The following RASGRF2 variants were observed in gnomAD, a reference collection of about 807,000 sequenced individuals.
RASGRF2 encodes Ras protein specific guanine nucleotide releasing factor 2.
RASGRF2 carries 76 observed loss-of-function variants against 151.0 expected under a neutral mutation model. The observed-to-expected ratio is 0.50, with a 90% CI of 0.42 to 0.61. The LOEUF is 0.61. Among genes scored for constraint, RASGRF2 ranks in the 20% least tolerant of loss-of-function variants. RASGRF2 has a pLI of 0.00. For synonymous variants in RASGRF2, 504 were observed against 566.5 expected, an observed-to-expected ratio of 0.89 and a Z score of 1.57; for missense variants, 1,148 against 1,564.6, an observed-to-expected ratio of 0.73 and a Z score of 4.49.
At position 81,030,973 on chromosome 5, in the gene RASGRF2, A is replaced by C. The variant is rs192368978; in HGVS notation, c.289-11904A>C. ...GAGGAAGATCTACCAAGAAAATGGAAAACAAAAAAAGGCAGGGGTTGCAAT... is the reference window on the plus strand; with the variant it reads ...GAGGAAGATCTACCAAGAAAATGGACAACAAAAAAAGGCAGGGGTTGCAAT... On this transcript the variant is annotated intron_variant, in intron 1 of 26. Transcript: ENST00000265080. 4.0e-4 allele frequency among the ~76,000 whole-genome samples: 61 copies of C among 152,304 alleles called. No homozygotes were observed. In the East Asian group the frequency reaches 0.011, roughly 28 times the overall value.
Position 80,992,657 on chromosome 5 carries a change from C to T in RASGRF2, c.288+31631C>T, listed in dbSNP as rs182458331. 1.8e-4 allele frequency among the ~76,000 whole-genome samples: 28 copies of T among 152,242 alleles called. No individual in the cohort carries two copies. In the East Asian group the frequency reaches 5.0e-3, roughly 27 times the overall value. ...TTTAATGGAGTAAATATAGATTAAG[C>T]TTCATGAGGAAAGATACATGTCACT... On this transcript the variant is annotated intron_variant, in intron 1 of 26. Transcript: ENST00000265080.
At chr5:81,150,231 A>G (rs375188720) in intron 17 of RASGRF2, among the ~76,000 whole-genome samples, 20 of 152,292 alleles carry the variant, frequency 1.3e-4, no homozygotes, top group African/African-American at 4.6e-4. Context: ...GAATTCCAAT[A>G]TCAAATAAAC....
chr5:81,060,030 G>T (rs1302121929), intron 2 of RASGRF2, among the ~76,000 whole-genome samples: 1 of 152,162 alleles, frequency 6.6e-6, no homozygotes, highest in Non-Finnish European at 1.5e-5. Flanking sequence ...GGGTCATACA[G>T]CAAGAGCAGG....
At chr5:81,087,093 T>G in intron 9 of RASGRF2, 140 bp downstream of exon 9, 1 of 778,506 alleles carries the variant, frequency 1.3e-6, no homozygotes, top group South Asian at 1.4e-5. Flanking sequence ...GCCGAGGCGG[T>G]GGTTGAGGCC....
Position 81,212,428 on chromosome 5 carries a change from C to A in RASGRF2, c.3219C>A (p.Ala1073=), listed in dbSNP as rs1755647716. The A allele has an allele frequency of 6.2e-7, 1 of 1,614,010 alleles. No individual in the cohort carries two copies. The highest frequency in any genetic ancestry group is 8.5e-7 in the Non-Finnish European group (1 of 1,179,936). ...NYADVSSRAN[A]IEKWVAVADI... ...CTGATGTCAGCTCCCGTGCCAACGCCATCGAGAAATGGGTGGCAGTGGCGG... is the reference window on the plus strand; with the variant it reads ...CTGATGTCAGCTCCCGTGCCAACGCAATCGAGAAATGGGTGGCAGTGGCGG... The change falls in exon 23 of 27, where the codon GCC becomes GCA. Residue 1073 remains alanine (A), a synonymous_variant. Transcript: ENST00000265080.
At chr5:81,188,089 G>T (rs922831545) in intron 18 of RASGRF2, among the ~76,000 whole-genome samples, 1 of 152,112 alleles carries the variant, frequency 6.6e-6, no homozygotes, top group African/African-American at 2.4e-5. Context: ...CTGGCCTGCT[G>T]CTGTCACCTC....
At chr5:81,140,465 C>G (rs1313843511) in intron 17 of RASGRF2, among the ~76,000 whole-genome samples, 1 of 152,074 alleles carries the variant, frequency 6.6e-6, no homozygotes, top group Non-Finnish European at 1.5e-5. Flanking sequence ...CGCACACTCA[C>G]TCACATTTTG....
intron 1 of RASGRF2, among the ~76,000 whole-genome samples, chr5:80,968,857 AT>A (rs200769526): frequency 2.0e-5 from 3 of 150,236 alleles, no homozygotes; most frequent in South Asian, 2.1e-4. Flanking sequence ...CTAATTATTT[AT>A]TTTTTTTTGG....
chr5:80,996,099 T>C (rs537399752), intron 1 of RASGRF2, among the ~76,000 whole-genome samples: 1 of 152,222 alleles, frequency 6.6e-6, no homozygotes, highest in South Asian at 2.1e-4. Flanking sequence ...CCTATAGTTA[T>C]TAGTTAAATC....
At chr5:81,151,642 G>A (rs971656225) in intron 17 of RASGRF2, among the ~76,000 whole-genome samples, 1 of 152,122 alleles carries the variant, frequency 6.6e-6, no homozygotes, top group African/African-American at 2.4e-5. Flanking sequence ...TTATTTCACT[G>A]ACTGTGGTCA....
chr5:80,976,063 CA>C (rs1451708539), intron 1 of RASGRF2, among the ~76,000 whole-genome samples: 1 of 152,146 alleles, frequency 6.6e-6, no homozygotes, highest in Non-Finnish European at 1.5e-5. Flanking sequence ...AGGCTGGTCT[CA>C]AACTCCTGAC....
intron 1 of RASGRF2, among the ~76,000 whole-genome samples, chr5:81,031,091 A>G (rs1730454789): frequency 1.3e-5 from 2 of 152,262 alleles, no homozygotes; most frequent in South Asian, 4.1e-4. Flanking sequence ...ATTCAACAAG[A>G]GGAGCTAACT....
chr5:81,005,969 C>T (rs1436028136), intron 1 of RASGRF2, among the ~76,000 whole-genome samples: 5 of 152,142 alleles, frequency 3.3e-5, no homozygotes, highest in East Asian at 1.9e-4. Flanking sequence ...GTAGTTTTAT[C>T]GGACAATCTT....
Position 81,215,950 on chromosome 5 carries a change from TA to T in RASGRF2, c.3434del (p.Asn1145IlefsTer14). On this transcript the variant is annotated frameshift_variant, in exon 24 of 27. Transcript: ENST00000265080. LOFTEE classifies it high-confidence loss of function. The stretch of plus-strand genomic sequence containing the variant: ...GATTTAAAAATCTTAGAGAAACCCT[TA>T]AAAAGTATGTCTATCTTAATTATTA... ...GRFKNLRETL[K>X]NCNPPAVPYL... is the part of the protein sequence containing the mutation. 4 of 1,533,440 alleles carry T rather than the reference TA, an allele frequency of 2.6e-6. No homozygotes were observed. Among genetic ancestry groups the T allele is most frequent in the Admixed American group, 2.3e-5 (1 of 43,222 alleles). The allele number at this position is 1,533,440 out of a possible 1,614,324, so 95.0% of individuals were successfully genotyped here. A position where few individuals can be genotyped will look rare whatever the true frequency, so the allele number is the denominator to read the frequency against.
chr5:81,009,701 A>T (rs1165292684), intron 1 of RASGRF2, among the ~76,000 whole-genome samples: 1 of 152,260 alleles, frequency 6.6e-6, no homozygotes, highest in Non-Finnish European at 1.5e-5. Flanking sequence ...TAAATATTTA[A>T]GTAGTATATC....
At chr5:81,178,393 GT>G (rs1480097827) in intron 17 of RASGRF2, among the ~76,000 whole-genome samples, 1 of 152,166 alleles carries the variant, frequency 6.6e-6, no homozygotes, top group Non-Finnish European at 1.5e-5. Context: ...AAGGCCATTG[GT>G]TATTTATTTA....
intron 1 of RASGRF2, among the ~76,000 whole-genome samples, chr5:80,988,952 T>A (rs1410335857): frequency 6.6e-6 from 1 of 152,104 alleles, no homozygotes; most frequent in Non-Finnish European, 1.5e-5. Flanking sequence ...TGACATCCAT[T>A]GAGCATCAGA....
intron 18 of RASGRF2, among the ~76,000 whole-genome samples, chr5:81,192,406 T>C (rs546709897): frequency 6.6e-6 from 1 of 152,376 alleles, no homozygotes; most frequent in East Asian, 1.9e-4. Context: ...TAGAATGTTC[T>C]TTTTCATCGT....
chr5:81,092,981 G>A lies in RASGRF2; in HGVS notation c.1551+20G>A. ...CTCAAGGTACTGGTTTTCCATAACT[G>A]TTCCATTTATCTTCCAAGCACTTAC... is the stretch of plus-strand genomic sequence containing the variant. On this transcript the variant is annotated intron_variant, in intron 10 of 26. Transcript: ENST00000265080. 1.9e-6 allele frequency: 3 copies of A among 1,582,838 alleles called. No individual in the cohort carries two copies. The highest frequency in any genetic ancestry group is 2.6e-6 in the Non-Finnish European group (3 of 1,162,450).
Sources: gnomAD v4.1 joint callset for allele counts (sites outside exome capture counted in the v4.1 genomes callset) on GRCh38, gnomAD v4.1.1 for gene constraint, MANE v1.5 for transcripts, NCBI Gene and HGNC (gene_info 2026-07-23, HGNC 2026-07-21) for gene names.